HPS1: variants seen among roughly 807,000 people sequenced by gnomAD.
HPS1 encodes HPS1 biogenesis of lysosomal organelles complex 3 subunit 1, also known as BLOC-3 complex member HPS1.
In HPS1, 59 loss-of-function variants were observed where a neutral mutation model predicts 90.6. The ratio of observed to expected loss-of-function variants is 0.65; its 90% CI spans 0.53 to 0.81. The LOEUF is 0.81. HPS1 is among the 30% of genes least tolerant of loss of function. The probability of loss-of-function intolerance (pLI) is 0.00; values close to 1 mark genes in which losing one functional copy is unlikely to be tolerated. For missense variants in HPS1, 849 were observed against 896.7 expected (o/e 0.95, Z 0.68); for synonymous variants, 388 against 384.4 (o/e 1.01, Z -0.11).
intron 18 of HPS1, among the ~76,000 whole-genome samples, chr10:98,419,121 G>T (rs1258241420): frequency 6.6e-6 from 1 of 151,936 alleles, no homozygotes; most frequent in Non-Finnish European, 1.5e-5. Flanking sequence ...TTACAGGGCT[G>T]TGAGGGGGTA....
In HPS1 at chr10:98,431,786, G is replaced by C. The variant is rs571918835; in HGVS notation, c.508-495C>G. 2.0e-5 allele frequency among the ~76,000 whole-genome samples: 3 copies of C among 152,208 alleles called. No individual in the cohort carries two copies. The South Asian group carries it at 6.2e-4, about 32-fold the overall frequency. ...AACAGAAATAAAAGAAAGGCCCTAT[G>C]CATAATTTAAATGTTTCCAGTGACC... On this transcript the variant is annotated intron_variant, in intron 6 of 19. Transcript: ENST00000361490.
At chr10:98,422,247 C>A in intron 17 of HPS1, 122 bp downstream of exon 17, 1 of 1,057,688 alleles carries the variant, frequency 9.5e-7, no homozygotes, top group Non-Finnish European at 1.4e-6. Context: ...GCACTGGCCA[C>A]TGCCTCCTTG....
chr10:98,433,003 G>C (rs1846711580), intron 6 of HPS1, among the ~76,000 whole-genome samples: 1 of 152,138 alleles, frequency 6.6e-6, no homozygotes, highest in South Asian at 2.1e-4. Context: ...GGGAGGCCGA[G>C]TGGGCAGATC....
chr10:98,425,571 A>G lies in HPS1; in HGVS notation c.1305T>C (p.Phe435=). Residue 435 remains phenylalanine (F), a synonymous_variant, in exon 13 of 20, where the codon TTT becomes TTC. Transcript: ENST00000361490. The stretch of plus-strand genomic sequence containing the variant: ...TCTCCTGTGCCCCTCGATTCTTGAC[A>G]AACTTGTCCATCCTCTGGCGCAGGT... ...VGDLRQRMDK[F]VKNRGAQEIQ... is the part of the protein sequence containing the mutation. 3 of 1,613,318 alleles carry G rather than the reference A, an allele frequency of 1.9e-6. No homozygotes were observed. The highest frequency in any genetic ancestry group is 2.5e-6 in the Non-Finnish European group (3 of 1,179,746).
chr10:98,443,682 A>T (rs1384386742), intron 2 of HPS1, among the ~76,000 whole-genome samples: 1 of 150,498 alleles, frequency 6.6e-6, no homozygotes, highest in African/African-American at 2.4e-5. Context: ...TGTGGATCGG[A>T]GGGCACTGGT....
intron 6 of HPS1, among the ~76,000 whole-genome samples, chr10:98,432,760 A>T (rs1184347767): frequency 1.3e-5 from 2 of 152,168 alleles, no homozygotes; most frequent in Non-Finnish European, 2.9e-5. Flanking sequence ...TTGGGATCTA[A>T]ATCTGTTGGT....
In HPS1 at chr10:98,425,631, G is replaced by A. The variant is rs879797527; in HGVS notation, c.1245C>T (p.Pro415=). The part of the protein sequence containing the change: ...LEKKLKEGPE[P]GASLRSQPLV... ...GGGGCTGGGAGCGCAGGGAGGCCCC[G>A]GGCTCCGGCCCTTCCTTCAGCTTCT... is the stretch of plus-strand genomic sequence containing the variant. The change falls in exon 13 of 20, where the codon CCC becomes CCT. Residue 415 remains proline, a synonymous_variant. Coordinates refer to ENST00000361490, the MANE Select transcript of HPS1 (RefSeq NM_000195.5). The A allele has an allele frequency of 2.1e-5, 34 of 1,613,656 alleles. No individual in the cohort carries two copies. Among genetic ancestry groups the A allele is most frequent in the Non-Finnish European group, 2.3e-5 (27 of 1,179,934 alleles).
chr10:98,415,972 C>T (rs770133002), downstream of HPS1, among the ~76,000 whole-genome samples: 1 of 152,178 alleles, frequency 6.6e-6, no homozygotes, highest in East Asian at 1.9e-4. Flanking sequence ...ATTAGGAGCC[C>T]CTTTGTTCTC....
In HPS1 at chr10:98,423,898, G is replaced by A. The variant is rs766375459; in HGVS notation, c.1398-11C>T. The A allele has an allele frequency of 9.9e-6, 16 of 1,613,238 alleles. No individual in the cohort carries two copies. In the South Asian group the frequency reaches 1.6e-4, roughly 17 times the overall value. On this transcript the variant is annotated splice_polypyrimidine_tract_variant and intron_variant, in intron 14 of 19. Coordinates refer to ENST00000361490, the MANE Select transcript of HPS1 (RefSeq NM_000195.5). The stretch of plus-strand genomic sequence containing the variant: ...CATGCCTGGAGCAGCCTGAGCACGA[G>A]AGAGGAGGGCATTACAGCAGAAGGG...
chr10:98,430,595 C>G lies in HPS1; in HGVS notation c.744G>C (p.Glu248Asp). The G allele has an allele frequency of 6.4e-7, 1 of 1,554,732 alleles. No individual in the cohort carries two copies. The highest frequency in any genetic ancestry group is 8.7e-7 in the Non-Finnish European group (1 of 1,148,418). Residue 248 changes from glutamate to aspartate, a missense_variant, in exon 8 of 20, where the codon GAG becomes GAC. Coordinates refer to ENST00000361490, the MANE Select transcript of HPS1 (RefSeq NM_000195.5). ...CCTGAATGTCGTCCTCTGCTGTGCTCTCGCTGGGGTAGAGGTCCTGAACCA... is the reference window on the plus strand; with the variant it reads ...CCTGAATGTCGTCCTCTGCTGTGCTGTCGCTGGGGTAGAGGTCCTGAACCA... ...ILLVQDLYPS[E>D]STAEDDIQPS...
Position 98,416,850 on chromosome 10 carries a change from C to T in HPS1, c.*714G>A, listed in dbSNP as rs1361559456. ...GGCGCACCACAGAAGCTTTGAAAGA[C>T]ATCAAAGGCTGGGCTCCACGGCCGC... On this transcript the variant is annotated 3_prime_UTR_variant, in exon 20 of 20. Transcript: ENST00000361490. 1 of 152,380 alleles carries T rather than the reference C, an allele frequency of 6.6e-6. No individual in the cohort carries two copies. The highest frequency in any genetic ancestry group is 6.5e-5 in the Admixed American group (1 of 15,286). The allele number at this position is 152,380 out of a possible 1,614,324, so 9.4% of individuals were successfully genotyped here.
rs973480021 is a variant in HPS1, at chr10:98,419,486, G to A, written c.1857+559C>T. Among the ~76,000 whole-genome samples, 7 of 152,148 alleles carry A rather than the reference G, an allele frequency of 4.6e-5. No homozygotes were observed. In the South Asian group the frequency reaches 1.2e-3, roughly 27 times the overall value. On this transcript the variant is annotated intron_variant, in intron 18 of 19. Coordinates refer to ENST00000361490, the MANE Select transcript of HPS1 (RefSeq NM_000195.5). ...GGCTGGGGCAGGGATCCCTGACCCCGTTGTATGGATGGAGACACAATGATA... is the reference window on the plus strand; with the variant it reads ...GGCTGGGGCAGGGATCCCTGACCCCATTGTATGGATGGAGACACAATGATA...
At chr10:98,442,971 G>C (rs962476301) in intron 3 of HPS1, 153 bp downstream of exon 3, 84 of 747,370 alleles carry the variant, frequency 1.1e-4, no homozygotes, top group Admixed American at 1.9e-4. Context: ...GAGGATAAGG[G>C]TCTAGGTGTG....
In HPS1 at chr10:98,426,393, A is replaced by G. The variant is rs185410215; in HGVS notation, c.988-408T>C. ...TCACCCTCAGAACATCCCAACAGCC[A>G]CTCAAATTGGGGAAACTGAGGCATA... On this transcript the variant is annotated intron_variant, in intron 11 of 19. Coordinates refer to ENST00000361490, the MANE Select transcript of HPS1 (RefSeq NM_000195.5). Among the ~76,000 whole-genome samples the G allele has an allele frequency of 1.4e-4, 21 of 152,332 alleles. No homozygotes were observed. In the East Asian group the frequency reaches 3.9e-3, roughly 28 times the overall value.
intron 17 of HPS1, among the ~76,000 whole-genome samples, chr10:98,420,918 G>A (rs2136109152): frequency 6.6e-6 from 1 of 152,288 alleles, no homozygotes; most frequent in African/African-American, 2.4e-5. Context: ...GATGTGCTGA[G>A]CCAGGGGGGA....
In HPS1 at chr10:98,425,098, CT is replaced by C. The variant is rs1845418197; in HGVS notation, c.1335+442del. 2.6e-5 allele frequency among the ~76,000 whole-genome samples: 4 copies of C among 152,238 alleles called. No homozygotes were observed. In the South Asian group the frequency reaches 8.3e-4, roughly 31 times the overall value. ...GCTCCCCACCTGGGCCCTAAGCTCA[CT>C]GGGGGTGGGGTGGAGCCGTGACCTG... On this transcript the variant is annotated intron_variant, in intron 13 of 19. Coordinates refer to ENST00000361490, the MANE Select transcript of HPS1 (RefSeq NM_000195.5).
At chr10:98,422,913 C>A (rs977042343) in intron 16 of HPS1, among the ~76,000 whole-genome samples, 1 of 152,226 alleles carries the variant, frequency 6.6e-6, no homozygotes, top group Admixed American at 6.5e-5. Flanking sequence ...AACCCTTACA[C>A]TTCATCATGA....
At position 98,435,819 on chromosome 10, in the gene HPS1, C is replaced by T; in HGVS notation, c.118-47G>A. On this transcript the variant is annotated intron_variant, in intron 3 of 19. Transcript: ENST00000361490. This position sits in a 1 kb window ranked among gnomAD's most constrained non-coding sequence, Gnocchi z 4.3. ...TCACAGCTTAGAGTGGGCCAGACAC[C>T]AAGAACTAAGGAAGGGACAAGATCA... 8 of 1,613,272 alleles carry T rather than the reference C, an allele frequency of 5.0e-6. No homozygotes were observed. Among genetic ancestry groups the T allele is most frequent in the Non-Finnish European group, 5.9e-6 (7 of 1,179,438 alleles).
At position 98,416,253 on chromosome 10, in the gene HPS1, C is replaced by T. The variant is rs925485423; in HGVS notation, c.*1311G>A. The T allele has an allele frequency of 6.6e-6, 1 of 152,300 alleles. No individual in the cohort carries two copies. Among genetic ancestry groups the T allele is most frequent in the Non-Finnish European group, 1.5e-5 (1 of 68,046 alleles). 9.4% of individuals were successfully genotyped at this position (152,300 alleles called of 1,614,324 possible). ...TTATTATATAGAAAGATCAAGGGGA[C>T]TGGTTAAACTAGACATATCACATCC... On this transcript the variant is annotated 3_prime_UTR_variant, in exon 20 of 20. Coordinates refer to ENST00000361490, the MANE Select transcript of HPS1 (RefSeq NM_000195.5).
Sources: gnomAD v4.1 joint callset for allele counts (sites outside exome capture counted in the v4.1 genomes callset) on GRCh38, gnomAD v4.1.1 for gene constraint, Gnocchi (gnomAD v3.1) non-coding constraint, MANE v1.5 for transcripts, NCBI Gene and HGNC (gene_info 2026-07-23, HGNC 2026-07-21) for gene names.